RANBP2: variants seen among roughly 807,000 people sequenced by gnomAD.
RANBP2 encodes the protein RAN binding protein 2.
A neutral mutation model predicts 303.6 loss-of-function variants in RANBP2; 57 were observed. The observed-to-expected ratio is 0.19, with a 90% CI of 0.15 to 0.23. RANBP2 has a LOEUF of 0.23. Among genes scored for constraint, RANBP2 ranks in the 10% least tolerant of loss-of-function variants. The probability of loss-of-function intolerance (pLI) is 1.00; values close to 1 mark genes in which losing one functional copy is unlikely to be tolerated. For synonymous variants in RANBP2, 1,167 were observed against 1,301.5 expected, an observed-to-expected ratio of 0.90 and a Z score of 2.23; for missense variants, 3,138 against 3,780.8, an observed-to-expected ratio of 0.83 and a Z score of 4.46.
chr2:109,089,518 A>G, the RANBP2 span, among the ~76,000 whole-genome samples: 2 of 151,962 alleles, frequency 1.3e-5, no homozygotes, highest in Non-Finnish European at 1.5e-5. Context: ...AGATGCGAGG[A>G]TTGCTTGAGC....
rs1676869771 is a variant in RANBP2 at position 108,763,305 on chromosome 2, C to T, written c.2766C>T (p.His922=). The change falls in exon 20 of 29, where the codon CAC becomes CAT. Residue 922 remains histidine, a synonymous_variant. Transcript: ENST00000283195. ...QHIYAYPQQM[H]TPPVQSSSAC... ...TTTATGCCTATCCGCAACAGATGCA[C>T]ACACCGCCAGTGCAAAGCTCATCTG... 6.2e-7 allele frequency: 1 copy of T among 1,613,872 alleles called. No individual in the cohort carries two copies. Among genetic ancestry groups the T allele is most frequent in the African/African-American group, 1.3e-5 (1 of 74,908 alleles).
At chr2:109,210,001 G>T in the RANBP2 span, among the ~76,000 whole-genome samples, 1 of 152,130 alleles carries the variant, frequency 6.6e-6, no homozygotes, top group Non-Finnish European at 1.5e-5. Context: ...AGTAACCTCT[G>T]TTATACTTTC....
At chr2:108,914,304 A>G in the RANBP2 span, among the ~76,000 whole-genome samples, 1 of 152,098 alleles carries the variant, frequency 6.6e-6, no homozygotes, top group Non-Finnish European at 1.5e-5. Context: ...AAAATCTGGA[A>G]AAATAAGAAC....
Position 108,781,995 on chromosome 2 carries a change from T to C in RANBP2, c.8761-133T>C, listed in dbSNP as rs569194943. 1.1e-5 allele frequency: 11 copies of C among 968,576 alleles called. No individual in the cohort carries two copies. In the African/African-American group the frequency reaches 1.7e-4, roughly 15 times the overall value. The allele number at this position is 968,576 out of a possible 1,614,324, so 60.0% of individuals were successfully genotyped here. ...GATATATTCCTAGCCCTAAGATATA[T>C]AACCAGTTATCACATTAACAAATTC... On this transcript the variant is annotated intron_variant, in intron 26 of 28. Coordinates refer to ENST00000283195, the MANE Select transcript of RANBP2 (RefSeq NM_006267.5).
At chr2:108,997,266 C>A in the RANBP2 span, among the ~76,000 whole-genome samples, 6 of 151,584 alleles carry the variant, frequency 4.0e-5, no homozygotes, top group Admixed American at 6.6e-5. Flanking sequence ...ACGGTGAAAC[C>A]CCGTCTCTAC....
the RANBP2 span, among the ~76,000 whole-genome samples, chr2:108,858,536 A>G: frequency 6.6e-6 from 1 of 152,204 alleles, no homozygotes; most frequent in East Asian, 1.9e-4. Flanking sequence ...TTGAATTTTA[A>G]TGTAAATTCA....
chr2:109,761,241 C>T, the RANBP2 span, among the ~76,000 whole-genome samples: 1 of 147,132 alleles, frequency 6.8e-6, no homozygotes, highest in Non-Finnish European at 1.5e-5. Flanking sequence ...CCGCCTGCGC[C>T]CGGTCTCGGC....
the RANBP2 span, among the ~76,000 whole-genome samples, chr2:109,051,444 C>A: frequency 1.2e-3 from 176 of 152,230 alleles, no homozygotes; most frequent in Middle Eastern, 0.014. Flanking sequence ...CTCCTTATAC[C>A]CATTTAAGGG....
chr2:109,170,530 G>A, the RANBP2 span, among the ~76,000 whole-genome samples: 100 of 152,070 alleles, frequency 6.6e-4, no homozygotes, highest in African/African-American at 2.3e-3. Flanking sequence ...ATTTTTAGTA[G>A]AGATGGGGTT....
chr2:109,602,201 TTA>T, the RANBP2 span, among the ~76,000 whole-genome samples: 838 of 152,278 alleles, frequency 5.5e-3, 11 homozygotes, highest in South Asian at 0.056. Context: ...AACTCAGATT[TTA>T]TGACTATAAC....
chr2:109,209,577 T>G, the RANBP2 span, among the ~76,000 whole-genome samples: 14 of 152,254 alleles, frequency 9.2e-5, no homozygotes, highest in South Asian at 2.7e-3. Context: ...GGGAAGATTT[T>G]CCTTCCTTTT....
At chr2:108,812,193 A>G in the RANBP2 span, among the ~76,000 whole-genome samples, 1 of 152,144 alleles carries the variant, frequency 6.6e-6, no homozygotes, top group East Asian at 1.9e-4. Context: ...TTCCATATAT[A>G]GGAAGTCAGT....
chr2:108,800,448 A>G, the RANBP2 span, among the ~76,000 whole-genome samples: 1 of 151,676 alleles, frequency 6.6e-6, no homozygotes, highest in Admixed American at 6.6e-5. Flanking sequence ...TATTTTTAGT[A>G]GGGACGGGGT....
At chr2:108,810,066 A>G in the RANBP2 span, among the ~76,000 whole-genome samples, 2 of 152,260 alleles carry the variant, frequency 1.3e-5, no homozygotes, top group African/African-American at 4.8e-5. Flanking sequence ...TCGGCCTCCC[A>G]TATTGCTGAG....
chr2:108,771,650 C>T (rs192579253), intron 20 of RANBP2, 51 bp from the exon 21 acceptor site: 31 of 1,601,920 alleles, frequency 1.9e-5, no homozygotes, highest in Admixed American at 1.3e-4. Flanking sequence ...AGAGTATTAA[C>T]GTCAATACTT....
At chr2:109,577,290 C>T in the RANBP2 span, among the ~76,000 whole-genome samples, 12 of 152,048 alleles carry the variant, frequency 7.9e-5, no homozygotes, top group Admixed American at 2.6e-4. Context: ...AATAATACCT[C>T]GTGTAGTTAA....
the RANBP2 span, among the ~76,000 whole-genome samples, chr2:109,747,895 C>A: frequency 7.3e-6 from 1 of 137,516 alleles, no homozygotes. Flanking sequence ...CATGGTCTTG[C>A]ATTTCCATCA....
At chr2:109,600,305 A>G in the RANBP2 span, among the ~76,000 whole-genome samples, 1 of 152,076 alleles carries the variant, frequency 6.6e-6, no homozygotes, top group African/African-American at 2.4e-5. Flanking sequence ...TTCACAGGCA[A>G]TACTACCCCT....
At chr2:109,194,413 CCA>C in the RANBP2 span, among the ~76,000 whole-genome samples, 56 of 152,342 alleles carry the variant, frequency 3.7e-4, no homozygotes, top group African/African-American at 1.3e-3. Context: ...CCCCTGCCAT[CCA>C]CAGTCTTCAG....
Sources: gnomAD v4.1 joint callset for allele counts (sites outside exome capture counted in the v4.1 genomes callset) on GRCh38, gnomAD v4.1.1 for gene constraint, MANE v1.5 for transcripts, NCBI Gene and HGNC (gene_info 2026-07-23, HGNC 2026-07-21) for gene names.